Variants in VEGFC observed in about 807,000 individuals in gnomAD.
VEGFC encodes vascular endothelial growth factor C.
In VEGFC, 12 loss-of-function variants were observed where a neutral mutation model predicts 46.1. That is an observed-to-expected ratio of 0.26 (90% confidence interval 0.17 to 0.42). VEGFC has a LOEUF of 0.42. VEGFC is among the 10% of genes least tolerant of loss of function. The pLI, the probability that VEGFC is intolerant of heterozygous loss-of-function variation, is 1.00. For synonymous variants in VEGFC, 232 were observed against 195.5 expected, an observed-to-expected ratio of 1.19 and a Z score of -1.56; for missense variants, 488 against 529.4, an observed-to-expected ratio of 0.92 and a Z score of 0.77.
intron 1 of VEGFC, among the ~76,000 whole-genome samples, chr4:176,759,484 G>A (rs1440786525): frequency 1.3e-5 from 2 of 152,070 alleles, no homozygotes; most frequent in Admixed American, 6.6e-5. Context: ...GGTGGTCAAC[G>A]GGGAGATGTT....
chr4:176,719,135 ACCTCC>A (rs1253852059), intron 3 of VEGFC, among the ~76,000 whole-genome samples: 3 of 151,956 alleles, frequency 2.0e-5, no homozygotes, highest in Non-Finnish European at 4.4e-5. Context: ...CGCCCTGATA[ACCTCC>A]CCTTCATTGA....
intron 3 of VEGFC, among the ~76,000 whole-genome samples, chr4:176,717,776 T>C (rs1015998426): frequency 5.9e-5 from 9 of 152,062 alleles, no homozygotes; most frequent in Non-Finnish European, 1.3e-4. Flanking sequence ...AAGAATATGA[T>C]TAATAACTAT....
chr4:176,773,848 T>A (rs1220677214), intron 1 of VEGFC, among the ~76,000 whole-genome samples: 3 of 152,120 alleles, frequency 2.0e-5, no homozygotes, highest in Admixed American at 2.0e-4. Context: ...CTAATTTTTT[T>A]TAATTTTCAT....
chr4:176,704,288 C>T (rs1262901020), intron 4 of VEGFC, among the ~76,000 whole-genome samples: 1 of 151,544 alleles, frequency 6.6e-6, no homozygotes, highest in East Asian at 1.9e-4. Context: ...CTCATCTTGT[C>T]TTCTTACTTG....
intron 1 of VEGFC, among the ~76,000 whole-genome samples, chr4:176,740,398 A>T (rs1219416634): frequency 4.3e-4 from 50 of 115,552 alleles, no homozygotes; most frequent in Non-Finnish European, 7.0e-4. Context: ...CTATATATTT[A>T]TATATAGTTA....
chr4:176,788,689 G>A (rs1191688735), intron 1 of VEGFC, among the ~76,000 whole-genome samples: 1 of 152,156 alleles, frequency 6.6e-6, no homozygotes, highest in African/African-American at 2.4e-5. Context: ...CCCAGGAAAA[G>A]ATCAAAATTC....
At chr4:176,720,707 G>A (rs1734771644) in intron 3 of VEGFC, among the ~76,000 whole-genome samples, 1 of 151,850 alleles carries the variant, frequency 6.6e-6, no homozygotes, top group African/African-American at 2.4e-5. Context: ...CAGGTGTGGT[G>A]GTGCACACCT....
intron 1 of VEGFC, among the ~76,000 whole-genome samples, chr4:176,773,220 C>G (rs565344606): frequency 6.6e-6 from 1 of 152,006 alleles, no homozygotes; most frequent in South Asian, 2.1e-4. Flanking sequence ...GTTGTGACCA[C>G]GAGGAATGAA....
At chr4:176,763,039 C>T (rs926036360) in intron 1 of VEGFC, among the ~76,000 whole-genome samples, 2 of 152,218 alleles carry the variant, frequency 1.3e-5, no homozygotes, top group African/African-American at 2.4e-5. Context: ...AAAGAAATCT[C>T]CTCCTTGGGA....
At chr4:176,697,525 A>G (rs1212880301) in intron 4 of VEGFC, among the ~76,000 whole-genome samples, 2 of 150,622 alleles carry the variant, frequency 1.3e-5, no homozygotes, top group South Asian at 4.2e-4. Context: ...GAACACTTTT[A>G]CACTGTTGGT....
chr4:176,741,786 C>T (rs925677970), intron 1 of VEGFC, among the ~76,000 whole-genome samples: 1 of 151,896 alleles, frequency 6.6e-6, no homozygotes, highest in Non-Finnish European at 1.5e-5. Flanking sequence ...TATACAGTTT[C>T]TTGACATGTA....
chr4:176,685,759 AT>A (rs1470026060), intron 6 of VEGFC, among the ~76,000 whole-genome samples: 1 of 152,110 alleles, frequency 6.6e-6, no homozygotes, highest in Non-Finnish European at 1.5e-5. Context: ...TATAGGTAAA[AT>A]TGGAATATAG....
intron 1 of VEGFC, among the ~76,000 whole-genome samples, chr4:176,741,004 T>A (rs1334790657): frequency 2.6e-5 from 4 of 151,976 alleles, no homozygotes; most frequent in Non-Finnish European, 4.4e-5. Flanking sequence ...ATATAAAGTA[T>A]CTTTAGATTT....
chr4:176,704,342 C>T (rs3755975), intron 4 of VEGFC, among the ~76,000 whole-genome samples: 10,523 of 152,116 alleles, frequency 0.069, 770 homozygotes, highest in African/African-American at 0.17. Flanking sequence ...ATTACTCTAC[C>T]ACTCTGATGT....
At chr4:176,757,046 A>T (rs754667514) in intron 1 of VEGFC, among the ~76,000 whole-genome samples, 7 of 152,118 alleles carry the variant, frequency 4.6e-5, no homozygotes, top group Admixed American at 1.3e-4. Flanking sequence ...CACTCAGTAG[A>T]TGGTAGCTAG....
At chr4:176,781,994 G>T (rs899629009) in intron 1 of VEGFC, among the ~76,000 whole-genome samples, 1 of 152,144 alleles carries the variant, frequency 6.6e-6, no homozygotes, top group African/African-American at 2.4e-5. Flanking sequence ...CTCAACTACC[G>T]CAGTGCCAAG....
At chr4:176,706,335 A>C (rs186099841) in intron 4 of VEGFC, among the ~76,000 whole-genome samples, 1 of 152,266 alleles carries the variant, frequency 6.6e-6, no homozygotes, top group Admixed American at 6.5e-5. Context: ...GTTTTAAAAA[A>C]TCTACTATTT....
At chr4:176,742,022 G>A (rs779890019) in intron 1 of VEGFC, among the ~76,000 whole-genome samples, 1 of 151,904 alleles carries the variant, frequency 6.6e-6, no homozygotes, top group Admixed American at 6.6e-5. Flanking sequence ...CACATGTGCA[G>A]GTGGGTTACA....
chr4:176,760,833 A>G (rs896022257), intron 1 of VEGFC, among the ~76,000 whole-genome samples: 3 of 152,204 alleles, frequency 2.0e-5, no homozygotes, highest in African/African-American at 7.2e-5. Flanking sequence ...AAGAAATGCG[A>G]TATTGAGGGA....
Sources: gnomAD v4.1 joint callset for allele counts (sites outside exome capture counted in the v4.1 genomes callset) on GRCh38, gnomAD v4.1.1 for gene constraint, MANE v1.5 for transcripts, NCBI Gene and HGNC (gene_info 2026-07-23, HGNC 2026-07-21) for gene names.